The following LPAR1 variants were observed in gnomAD, a reference collection of about 807,000 sequenced individuals.
LPAR1 encodes the protein lysophosphatidic acid receptor 1.
A neutral mutation model predicts 23.8 loss-of-function variants in LPAR1; 5 were observed. The ratio of observed to expected loss-of-function variants is 0.21; its 90% CI spans 0.11 to 0.44. LPAR1 has a LOEUF of 0.44. LPAR1 is among the 20% of genes least tolerant of loss of function. The probability of loss-of-function intolerance (pLI) is 0.99; values close to 1 mark genes in which losing one functional copy is unlikely to be tolerated. For synonymous variants in LPAR1, 160 were observed against 164.7 expected (o/e 0.97, Z 0.22); for missense variants, 311 against 482.8 (o/e 0.64, Z 3.33).
At chr9:110,990,204 CA>C (rs974478940) in intron 2 of LPAR1, among the ~76,000 whole-genome samples, 2 of 152,004 alleles carry the variant, frequency 1.3e-5, no homozygotes, top group Non-Finnish European at 2.9e-5. Flanking sequence ...CAGAAAAAAT[CA>C]GTAAGGATAT....
rs146381589 is a variant in LPAR1, at chr9:110,888,472, A to C, written c.794-12750T>G. Among the ~76,000 whole-genome samples the C allele has an allele frequency of 2.4e-4, 36 of 152,096 alleles. No homozygotes were observed. The East Asian group carries it at 6.4e-3, about 27-fold the overall frequency. On this transcript the variant is annotated intron_variant, in intron 5 of 5. Coordinates refer to ENST00000683809, the MANE Select transcript of LPAR1 (RefSeq NM_001351411.2). ...TTAACAAAGCATTCACCTAATTTTC[A>C]TAGAAACGATGTCTTCTTTTTGTAC...
intron 4 of LPAR1, among the ~76,000 whole-genome samples, chr9:110,943,790 G>A (rs981304869): frequency 4.0e-5 from 6 of 151,376 alleles, no homozygotes; most frequent in African/African-American, 1.5e-4. Context: ...AACCCGGGAG[G>A]TGGAGGTTGC....
At chr9:110,977,357 C>T (rs941834618) in intron 2 of LPAR1, among the ~76,000 whole-genome samples, 2 of 152,120 alleles carry the variant, frequency 1.3e-5, no homozygotes, top group Admixed American at 6.6e-5. Flanking sequence ...ACAGAAAACA[C>T]ATGGGAAAAA....
intron 5 of LPAR1, among the ~76,000 whole-genome samples, chr9:110,901,897 C>T (rs375660572): frequency 5.3e-5 from 8 of 152,204 alleles, no homozygotes; most frequent in Non-Finnish European, 1.0e-4. Context: ...GGGTCTTCTC[C>T]GACCCCAACT....
rs531694828 is a variant in LPAR1 at position 110,941,491 on chromosome 9, C to A, written c.723G>T (p.Arg241=). 1.9e-6 allele frequency: 3 copies of A among 1,613,938 alleles called. No homozygotes were observed. In the South Asian group the frequency reaches 3.3e-5, roughly 18 times the overall value. ...GATTCCGCCGGGGTCCAGAACTATG[C>A]CGAGACATTCTCATAGTCCTCTGGC... ...YVRQRTMRMS[R]HSSGPRRNRD... is the part of the protein sequence containing the mutation. The change falls in exon 5 of 6, where the codon CGG becomes CGT. Residue 241 remains arginine (R), a synonymous_variant. Transcript: ENST00000683809. The surrounding 1 kb of genome is among the most constrained non-coding windows in gnomAD (Gnocchi z 6.1).
At chr9:110,989,962 AAC>A (rs2139571034) in intron 2 of LPAR1, among the ~76,000 whole-genome samples, 1 of 82,040 alleles carries the variant, frequency 1.2e-5, no homozygotes, top group Non-Finnish European at 2.7e-5. Context: ...ATTAAAATCT[AAC>A]AGAGTAGATT....
At chr9:110,927,286 C>T (rs2094113709) in intron 5 of LPAR1, among the ~76,000 whole-genome samples, 1 of 150,994 alleles carries the variant, frequency 6.6e-6, no homozygotes, top group African/African-American at 2.4e-5. Flanking sequence ...GCTGCGAAAA[C>T]ATTCATAACT....
At chr9:110,942,284 T>C (rs2095157495) in intron 4 of LPAR1, 116 bp from the exon 5 acceptor site, 1 of 816,822 alleles carries the variant, frequency 1.2e-6, no homozygotes, top group Non-Finnish European at 1.9e-6. Context: ...AAGCAAATAA[T>C]TTGAACATTT....
intron 5 of LPAR1, among the ~76,000 whole-genome samples, chr9:110,925,609 T>C (rs1247565586): frequency 6.6e-6 from 1 of 152,224 alleles, no homozygotes; most frequent in Non-Finnish European, 1.5e-5. Flanking sequence ...CTCATCATTA[T>C]ACAGGCCTAT....
chr9:110,875,493 T>C lies in LPAR1; in HGVS notation c.1023A>G (p.Ser341=), dbSNP rs759235908. ...SENPTGPTEG[S]DRSASSLNHT... ...GGTTGAGGGAGGAAGCCGAGCGGTC[T>C]GAGCCTTCTGTGGGGCCGGTGGGGT... Residue 341 remains serine (S), a synonymous_variant, in exon 6 of 6, where the codon TCA becomes TCG. Transcript: ENST00000683809. The C allele has an allele frequency of 3.2e-5, 52 of 1,613,978 alleles. No homozygotes were observed. The highest frequency in any genetic ancestry group is 4.1e-5 in the Non-Finnish European group (48 of 1,179,994).
intron 4 of LPAR1, among the ~76,000 whole-genome samples, chr9:110,964,774 A>G (rs2096138171): frequency 6.6e-6 from 1 of 151,700 alleles, no homozygotes; most frequent in Non-Finnish European, 1.5e-5. Context: ...TTGAAAATAC[A>G]TATTTTGTTG....
At chr9:110,932,048 C>T (rs550971528) in intron 5 of LPAR1, among the ~76,000 whole-genome samples, 1 of 152,254 alleles carries the variant, frequency 6.6e-6, no homozygotes, top group South Asian at 2.1e-4. Context: ...TCCTGAGAGG[C>T]AGGAGTTGTA....
At chr9:110,890,131 A>G (rs2083645995) in intron 5 of LPAR1, among the ~76,000 whole-genome samples, 1 of 152,326 alleles carries the variant, frequency 6.6e-6, no homozygotes, top group Non-Finnish European at 1.5e-5. Context: ...TAGATGATGA[A>G]GTTCACACAA....
intron 5 of LPAR1, among the ~76,000 whole-genome samples, chr9:110,880,662 T>C (rs1164503538): frequency 6.6e-6 from 1 of 152,200 alleles, no homozygotes; most frequent in Non-Finnish European, 1.5e-5. Flanking sequence ...AACAGCACTG[T>C]GCCCAAGGTG....
At chr9:110,984,753 C>T (rs1265499862) in intron 2 of LPAR1, among the ~76,000 whole-genome samples, 1 of 150,542 alleles carries the variant, frequency 6.6e-6, no homozygotes, top group African/African-American at 2.4e-5. Flanking sequence ...CACAGAATAC[C>T]TGTGATAGTA....
chr9:110,889,722 A>T (rs532965686), intron 5 of LPAR1, among the ~76,000 whole-genome samples: 1 of 152,244 alleles, frequency 6.6e-6, no homozygotes, highest in Admixed American at 6.5e-5. Context: ...TGTTTGCTGT[A>T]CAAATAGCAT....
chr9:111,028,193 C>A (rs2097732321), intron 2 of LPAR1, among the ~76,000 whole-genome samples: 2 of 151,296 alleles, frequency 1.3e-5, no homozygotes, highest in Admixed American at 6.6e-5. Flanking sequence ...TGCAGTGGCA[C>A]AAACTCTGCT....
intron 5 of LPAR1, among the ~76,000 whole-genome samples, chr9:110,939,830 T>C (rs1410408818): frequency 6.6e-6 from 1 of 152,200 alleles, no homozygotes; most frequent in African/African-American, 2.4e-5. Context: ...ATAGAAAAAG[T>C]TCATGCATAT....
At chr9:111,024,147 A>G (rs961586495) in intron 2 of LPAR1, among the ~76,000 whole-genome samples, 4 of 152,106 alleles carry the variant, frequency 2.6e-5, no homozygotes, top group Admixed American at 2.0e-4. Context: ...CTTCAACAAG[A>G]TAGATTCTCT....
Sources: gnomAD v4.1 joint callset for allele counts (sites outside exome capture counted in the v4.1 genomes callset) on GRCh38, gnomAD v4.1.1 for gene constraint, Gnocchi (gnomAD v3.1) non-coding constraint, MANE v1.5 for transcripts, NCBI Gene and HGNC (gene_info 2026-07-23, HGNC 2026-07-21) for gene names.